The following VSTM2L variants were observed in gnomAD, a reference collection of about 807,000 sequenced individuals.
The protein encoded by VSTM2L is V-set and transmembrane domain containing 2 like, also known as V-set and transmembrane domain-containing protein 2-like protein.
In VSTM2L, 9 loss-of-function variants were observed where a neutral mutation model predicts 19.9. That is an observed-to-expected ratio of 0.45 (90% CI 0.27 to 0.79). The LOEUF is 0.79. VSTM2L is among the 30% of genes least tolerant of loss of function. VSTM2L has a pLI of 0.15. For missense variants in VSTM2L, 286 were observed against 295.5 expected, an observed-to-expected ratio of 0.97 and a Z score of 0.24; for synonymous variants, 127 against 133.8, an observed-to-expected ratio of 0.95 and a Z score of 0.35.
intron 1 of VSTM2L, among the ~76,000 whole-genome samples, chr20:37,919,190 C>T (rs2122952289): frequency 6.6e-6 from 1 of 152,326 alleles, no homozygotes; most frequent in Middle Eastern, 3.4e-3. Flanking sequence ...CACGCTGAGG[C>T]AGACACCTCC....
intron 1 of VSTM2L, among the ~76,000 whole-genome samples, chr20:37,923,858 G>A (rs1341871250): frequency 6.6e-6 from 1 of 152,170 alleles, no homozygotes; most frequent in Non-Finnish European, 1.5e-5. Flanking sequence ...CCCTCTCTGA[G>A]CTTCAGCCTC....
chr20:37,943,918 C>T, intron 3 of VSTM2L, 63 bp from the exon 4 acceptor site: 1 of 871,872 alleles, frequency 1.1e-6, no homozygotes, highest in Non-Finnish European at 1.5e-6. Context: ...ACCCCCCCCC[C>T]CGACTCTTCT....
chr20:37,904,726 TG>T (rs1045619793), intron 1 of VSTM2L, among the ~76,000 whole-genome samples: 2 of 151,418 alleles, frequency 1.3e-5, no homozygotes, highest in Non-Finnish European at 2.9e-5. Context: ...TGGGAGTGAG[TG>T]GGGGTAAGGC....
Position 37,944,546 on chromosome 20 carries a change from C to T in VSTM2L, c.*293C>T, listed in dbSNP as rs1159744264. 6.8e-6 allele frequency: 8 copies of T among 1,183,872 alleles called. No homozygotes were observed. The highest frequency in any genetic ancestry group is 8.4e-6 in the Non-Finnish European group (8 of 957,504). The allele number at this position is 1,183,872 out of a possible 1,614,324, so 73.3% of individuals were successfully genotyped here. ...ACCATGCTGGGGCCCGGGGCCACCC[C>T]CTTCCTGTCACCAGCTTCTGTGGAG... On this transcript the variant is annotated 3_prime_UTR_variant, in exon 4 of 4. Transcript: ENST00000373461.
intron 1 of VSTM2L, among the ~76,000 whole-genome samples, chr20:37,910,244 T>C (rs1403820845): frequency 6.6e-6 from 1 of 152,194 alleles, no homozygotes; most frequent in African/African-American, 2.4e-5. Flanking sequence ...ATGGGGGTAT[T>C]AAAAAATGGT....
intron 1 of VSTM2L, among the ~76,000 whole-genome samples, chr20:37,912,887 C>T (rs2072788787): frequency 1.3e-5 from 2 of 152,056 alleles, no homozygotes; most frequent in African/African-American, 4.8e-5. Flanking sequence ...TCTCTCTGAT[C>T]TTTATCTCTT....
intron 1 of VSTM2L, among the ~76,000 whole-genome samples, chr20:37,905,527 A>C (rs1004728646): frequency 6.6e-6 from 1 of 152,198 alleles, no homozygotes; most frequent in African/African-American, 2.4e-5. Context: ...GCTAAGGCCC[A>C]GGACAGGGGC....
chr20:37,939,915 G>A (rs898633973), intron 3 of VSTM2L, among the ~76,000 whole-genome samples: 1 of 152,150 alleles, frequency 6.6e-6, no homozygotes, highest in African/African-American at 2.4e-5. Flanking sequence ...AAGAGCTCGT[G>A]TTCCTGAAGG....
intron 1 of VSTM2L, among the ~76,000 whole-genome samples, chr20:37,929,663 G>A (rs2072897604): frequency 6.6e-6 from 1 of 152,110 alleles, no homozygotes; most frequent in African/African-American, 2.4e-5. Flanking sequence ...GGCCAGTGAG[G>A]GTTCCCCACT....
intron 1 of VSTM2L, among the ~76,000 whole-genome samples, chr20:37,923,694 C>T (rs2072864737): frequency 6.6e-6 from 1 of 152,098 alleles, no homozygotes; most frequent in African/African-American, 2.4e-5. Flanking sequence ...ATGTCCCAGA[C>T]TCAGCAGTGA....
chr20:37,944,046 C>A lies in VSTM2L; in HGVS notation c.408C>A (p.Asp136Glu). Residue 136 changes from aspartate to glutamate, a missense_variant, in exon 4 of 4, where the codon GAC (aspartate) becomes GAA (glutamate). Transcript: ENST00000373461. ...GCCTGTCCCGGGTGAAGCCCACGGA[C>A]GAAGGCACCTACGAGTGCCGCGTCA... The part of the protein sequence containing the change: ...KLRLSRVKPT[D>E]EGTYECRVID... The A allele has an allele frequency of 6.2e-7, 1 of 1,611,006 alleles. No homozygotes were observed. Among genetic ancestry groups the A allele is most frequent in the African/African-American group, 1.3e-5 (1 of 74,924 alleles).
chr20:37,915,433 A>G (rs2072812866), intron 1 of VSTM2L, among the ~76,000 whole-genome samples: 1 of 151,970 alleles, frequency 6.6e-6, no homozygotes. Flanking sequence ...TAATAAGTCC[A>G]AGGGGCCCGG....
intron 1 of VSTM2L, among the ~76,000 whole-genome samples, chr20:37,911,945 G>A (rs573331372): frequency 1.6e-4 from 25 of 152,228 alleles, no homozygotes; most frequent in African/African-American, 5.8e-4. Flanking sequence ...TGGAGCTGGT[G>A]GGAGTGGTAG....
At chr20:37,911,564 C>T (rs1245660339) in intron 1 of VSTM2L, among the ~76,000 whole-genome samples, 1 of 152,220 alleles carries the variant, frequency 6.6e-6, no homozygotes, top group South Asian at 2.1e-4. Flanking sequence ...CTGGCCCTAC[C>T]CAGGGGTCAT....
At chr20:37,916,825 A>G (rs2072821251) in intron 1 of VSTM2L, among the ~76,000 whole-genome samples, 1 of 152,258 alleles carries the variant, frequency 6.6e-6, no homozygotes, top group Non-Finnish European at 1.5e-5. Context: ...GCCAGTCACA[A>G]AAGACCACAT....
chr20:37,917,937 A>T (rs2122950766), intron 1 of VSTM2L, among the ~76,000 whole-genome samples: 1 of 152,320 alleles, frequency 6.6e-6, no homozygotes, highest in Non-Finnish European at 1.5e-5. Context: ...TAATATATTC[A>T]TGTTTGTTTT....
chr20:37,930,051 A>G (rs2122965020), intron 1 of VSTM2L, among the ~76,000 whole-genome samples: 1 of 152,320 alleles, frequency 6.6e-6, no homozygotes, highest in Admixed American at 6.5e-5. Context: ...TTTACAGAAC[A>G]GCGGCTGGGA....
rs1465967943 is a variant in VSTM2L at position 37,944,103 on chromosome 20, C to G, written c.465C>G (p.His155Gln). Reference protein sequence around the residue: ...IDFSDGKARHHKVKAYLRVQP... With the variant: ...IDFSDGKARHQKVKAYLRVQP... ...TCAGCGACGGCAAGGCCCGGCACCA[C>G]AAGGTCAAGGCCTACCTGCGGGTGC... Residue 155 changes from histidine to glutamine, a missense_variant, in exon 4 of 4, where the codon CAC (histidine) becomes CAG (glutamine). His to Gln is a conservative substitution (Grantham distance 24). Coordinates refer to ENST00000373461, the MANE Select transcript of VSTM2L (RefSeq NM_080607.3). The G allele has an allele frequency of 1.9e-6, 3 of 1,612,870 alleles. No homozygotes were observed. The African/African-American group carries it at 4.0e-5, about 22-fold the overall frequency.
chr20:37,923,777 C>G (rs1007764485), intron 1 of VSTM2L, among the ~76,000 whole-genome samples: 3 of 152,058 alleles, frequency 2.0e-5, no homozygotes, highest in Admixed American at 1.3e-4. Context: ...TACAGGCTTC[C>G]ACTTAGAGCC....
Sources: gnomAD v4.1 joint callset for allele counts (sites outside exome capture counted in the v4.1 genomes callset) on GRCh38, gnomAD v4.1.1 for gene constraint, MANE v1.5 for transcripts, NCBI Gene and HGNC (gene_info 2026-07-23, HGNC 2026-07-21) for gene names.